Variants in TTPAL observed in about 807,000 individuals in gnomAD.
TTPAL encodes alpha-tocopherol transfer protein-like.
In TTPAL, 21 loss-of-function variants were observed where a neutral mutation model predicts 28.7. The ratio of observed to expected loss-of-function variants is 0.73; its 90% CI spans 0.52 to 1.06. The LOEUF is 1.06. Ranked by LOEUF, TTPAL falls within the 50% of genes least tolerant of loss-of-function variation. The probability of loss-of-function intolerance (pLI) is 0.00; values close to 1 mark genes in which losing one functional copy is unlikely to be tolerated. For missense variants in TTPAL, 345 were observed against 425.5 expected (o/e 0.81, Z 1.67); for synonymous variants, 169 against 171.9 (o/e 0.98, Z 0.13).
rs565337489 is a variant in TTPAL at position 44,488,080 on chromosome 20, A to G, written c.751-1183A>G. Among the ~76,000 whole-genome samples, 3 of 152,290 alleles carry G rather than the reference A, an allele frequency of 2.0e-5. 1 individual carries two copies. Among genetic ancestry groups the G allele is most frequent in the African/African-American group, 7.2e-5 (3 of 41,576 alleles). On this transcript the variant is annotated intron_variant, in intron 4 of 4. Transcript: ENST00000262605. ...CACCGCACTGGGCCCTTGCTTTTTC[A>G]AAGTAACATATATAGATGGAAAATC...
At position 44,494,290 on chromosome 20, in the gene TTPAL, A is replaced by G. The variant is rs531131265; in HGVS notation, c.*4749A>G. 23 of 152,830 alleles carry G rather than the reference A, an allele frequency of 1.5e-4. No individual in the cohort carries two copies. The highest frequency in any genetic ancestry group is 2.5e-4 in the Non-Finnish European group (17 of 68,032). 9.5% of individuals were successfully genotyped at this position (152,830 alleles called of 1,614,324 possible). The stretch of plus-strand genomic sequence containing the variant: ...TGTAGCTATGCCTCGGCTTCTTGGC[A>G]TATCAGGTAGGAACCTGTTACAAGT... On this transcript the variant is annotated 3_prime_UTR_variant, in exon 5 of 5. Coordinates refer to ENST00000262605, the MANE Select transcript of TTPAL (RefSeq NM_001039199.3).
In TTPAL at chr20:44,489,364, C is replaced by T. The variant is rs754214967; in HGVS notation, c.852C>T (p.Ala284=). The change falls in exon 5 of 5, where the codon GCC becomes GCT. Residue 284 remains alanine (A), a synonymous_variant. Coordinates refer to ENST00000262605, the MANE Select transcript of TTPAL (RefSeq NM_001039199.3). ...GCACGGCTGGGGAGCTGGACACTGC[C>T]ACCTGGAACGCGGTACTGCTGGCTT... ...YGGTAGELDT[A]TWNAVLLASE... is the part of the protein sequence containing the mutation. 6.2e-7 allele frequency: 1 copy of T among 1,614,192 alleles called. No homozygotes were observed.
intron 2 of TTPAL, among the ~76,000 whole-genome samples, chr20:44,484,077 G>A (rs529888907): frequency 3.9e-4 from 59 of 152,312 alleles, no homozygotes; most frequent in African/African-American, 1.4e-3. Context: ...TTACAGGCAT[G>A]AGCCACTGTG....
Position 44,480,871 on chromosome 20 carries a change from G to T in TTPAL, c.445+427G>T, listed in dbSNP as rs1200857958. Among the ~76,000 whole-genome samples, 1 of 152,192 alleles carries T rather than the reference G, an allele frequency of 6.6e-6. No homozygotes were observed. Among genetic ancestry groups the T allele is most frequent in the African/African-American group, 2.4e-5 (1 of 41,452 alleles). ...AAATCTGGCACCCTCTCAGCTCTCA[G>T]GTTTGCCTGACCACCAAATTAAGTT... On this transcript the variant is annotated intron_variant, in intron 2 of 4. Coordinates refer to ENST00000262605, the MANE Select transcript of TTPAL (RefSeq NM_001039199.3). The surrounding 1 kb of genome is among the most constrained non-coding windows in gnomAD (Gnocchi z 4.1).
chr20:44,476,114 G>A (rs1394459514), intron 1 of TTPAL, 123 bp downstream of exon 1: 1 of 152,352 alleles, frequency 6.6e-6, no homozygotes, highest in Non-Finnish European at 1.5e-5. Context: ...GACACCTGGG[G>A]AGGGGGTGAC....
intron 2 of TTPAL, among the ~76,000 whole-genome samples, chr20:44,483,202 GAAAC>G (rs2064122372): frequency 6.6e-6 from 1 of 152,116 alleles, no homozygotes; most frequent in Admixed American, 6.5e-5. Flanking sequence ...CACGTTAGCT[GAAAC>G]AAACAAAAAA....
rs770602144 is a variant in TTPAL, at chr20:44,479,983, AG to A, written c.-14del. The A allele has an allele frequency of 1.6e-5, 25 of 1,607,964 alleles. No individual in the cohort carries two copies. In the South Asian group the frequency reaches 2.7e-4, roughly 17 times the overall value. On this transcript the variant is annotated splice_acceptor_variant, in intron 1 of 4. Coordinates refer to ENST00000262605, the MANE Select transcript of TTPAL (RefSeq NM_001039199.3). LOFTEE classifies it low-confidence loss of function (5UTR_SPLICE). The stretch of plus-strand genomic sequence containing the variant: ...CTTTGCTTAGGGCTTCTCTGTTGGC[AG>A]GGACCTTGGTAGCTAATGTCCGAAG...
intron 1 of TTPAL, among the ~76,000 whole-genome samples, chr20:44,478,952 G>T (rs112239935): frequency 0.032 from 4,944 of 152,144 alleles, 113 homozygotes; most frequent in Middle Eastern, 0.058. Context: ...ACCACGCCCG[G>T]CTAATTTTTT....
At chr20:44,486,879 G>A (rs894408425) in intron 4 of TTPAL, among the ~76,000 whole-genome samples, 173 bp downstream of exon 4, 35 of 152,174 alleles carry the variant, frequency 2.3e-4, no homozygotes, top group African/African-American at 7.0e-4. Flanking sequence ...AAGAGTAAAT[G>A]AACAAGAATT....
intron 4 of TTPAL, 125 bp from the exon 5 acceptor site, chr20:44,489,138 A>C: frequency 2.0e-5 from 21 of 1,067,496 alleles, no homozygotes; most frequent in Non-Finnish European, 2.5e-5. Flanking sequence ...AAGTAAGGGT[A>C]GAGTTGCCAT....
chr20:44,484,558 T>C (rs2064135478), intron 3 of TTPAL, 28 bp downstream of exon 3: 1 of 1,503,578 alleles, frequency 6.7e-7, no homozygotes. Flanking sequence ...CCTGCCTGTT[T>C]CGTGGTGGCT....
intron 1 of TTPAL, among the ~76,000 whole-genome samples, chr20:44,479,343 CCAGCAG>C (rs1161530627): frequency 1.3e-5 from 2 of 151,902 alleles, no homozygotes; most frequent in Non-Finnish European, 2.9e-5. Context: ...ATTTATACTC[CCAGCAG>C]CAGCAAGCAT....
intron 4 of TTPAL, among the ~76,000 whole-genome samples, chr20:44,488,175 T>C (rs762381229): frequency 6.6e-6 from 1 of 152,218 alleles, no homozygotes; most frequent in Non-Finnish European, 1.5e-5. Context: ...AAGATTTTGA[T>C]TCATCAGCTC....
rs145133918 is a variant in TTPAL at position 44,478,159 on chromosome 20, A to G, written c.-15-1826A>G. On this transcript the variant is annotated intron_variant, in intron 1 of 4. Coordinates refer to ENST00000262605, the MANE Select transcript of TTPAL (RefSeq NM_001039199.3). Reference sequence around the variant, plus strand: ...AGTGCATGAGTTCAGGTCCTCTAAGAAGCAGACACTAGGATGAGGTTAGAC... The same window carrying G: ...AGTGCATGAGTTCAGGTCCTCTAAGGAGCAGACACTAGGATGAGGTTAGAC... Among the ~76,000 whole-genome samples, 292 of 152,298 alleles carry G rather than the reference A, an allele frequency of 1.9e-3. 1 individual carries two copies. The highest frequency in any genetic ancestry group is 6.5e-3 in the African/African-American group (269 of 41,572).
intron 4 of TTPAL, 51 bp downstream of exon 4, chr20:44,486,757 A>G (rs1370241788): frequency 1.9e-6 from 2 of 1,052,554 alleles, no homozygotes; most frequent in East Asian, 5.1e-5. Flanking sequence ...CTGTTGATTT[A>G]TTTGTGACAT....
chr20:44,494,169 T>C lies in TTPAL; in HGVS notation c.*4628T>C, dbSNP rs577199760. The C allele has an allele frequency of 1.0e-4, 16 of 152,524 alleles. No homozygotes were observed. Among genetic ancestry groups the C allele is most frequent in the African/African-American group, 3.1e-4 (13 of 41,578 alleles). The allele number at this position is 152,524 out of a possible 1,614,324, so 9.4% of individuals were successfully genotyped here. On this transcript the variant is annotated 3_prime_UTR_variant, in exon 5 of 5. Transcript: ENST00000262605. ...CAATGTGATTTGTGGATGGAGATGA[T>C]AGTGATGAAATTCCTGTTTCATGGG...
At chr20:44,488,676 A>T (rs1387697975) in intron 4 of TTPAL, among the ~76,000 whole-genome samples, 1 of 152,300 alleles carries the variant, frequency 6.6e-6, no homozygotes, top group Non-Finnish European at 1.5e-5. Context: ...GAAGTGAGAG[A>T]GTGAGCCATC....
intron 2 of TTPAL, among the ~76,000 whole-genome samples, chr20:44,483,640 A>G (rs571974609): frequency 1.3e-5 from 2 of 152,314 alleles, no homozygotes; most frequent in African/African-American, 4.8e-5. Flanking sequence ...AAGGGGAAAT[A>G]CATGATGGCA....
At chr20:44,482,758 C>T (rs1167121257) in intron 2 of TTPAL, among the ~76,000 whole-genome samples, 1 of 151,676 alleles carries the variant, frequency 6.6e-6, no homozygotes, top group African/African-American at 2.4e-5. Context: ...TCATTAAATA[C>T]ATGGGGTGTA....
Sources: gnomAD v4.1 joint callset for allele counts (sites outside exome capture counted in the v4.1 genomes callset) on GRCh38, gnomAD v4.1.1 for gene constraint, Gnocchi (gnomAD v3.1) non-coding constraint, MANE v1.5 for transcripts, NCBI Gene and HGNC (gene_info 2026-07-23, HGNC 2026-07-21) for gene names.